The following FBN1 variants were observed in gnomAD, a reference collection of about 807,000 sequenced individuals.
FBN1 encodes fibrillin-1.
A neutral mutation model predicts 365.1 loss-of-function variants in FBN1; 29 were observed. The ratio of observed to expected loss-of-function variants is 0.08; its 90% CI spans 0.06 to 0.11. FBN1 has a LOEUF of 0.11. Ranked by LOEUF, FBN1 falls within the 10% of genes least tolerant of loss-of-function variation. The pLI, the probability that FBN1 is intolerant of heterozygous loss-of-function variation, is 1.00. For synonymous variants in FBN1, 1,210 were observed against 1,270.5 expected (o/e 0.95, Z 1.01); for missense variants, 2,476 against 3,703.2 (o/e 0.67, Z 8.60).
chr15:48,538,056 A>G (rs375347075), intron 6 of FBN1, among the ~76,000 whole-genome samples: 21 of 152,364 alleles, frequency 1.4e-4, no homozygotes, highest in African/African-American at 5.1e-4. Context: ...TGTGAGGATC[A>G]GGCGAGCTAA....
At chr15:48,523,993 G>A (rs532907771) in intron 9 of FBN1, among the ~76,000 whole-genome samples, 21 of 152,230 alleles carry the variant, frequency 1.4e-4, no homozygotes, top group South Asian at 1.2e-3. Context: ...TTAAATAGGC[G>A]TTTGCAGGTC....
chr15:48,438,062 T>A, intron 50 of FBN1, 145 bp from the exon 51 acceptor site: 1 of 855,598 alleles, frequency 1.2e-6, no homozygotes, highest in Non-Finnish European at 2.0e-6. Context: ...TAATGGTAAC[T>A]GAGCTGAGAT....
At chr15:48,472,411 A>C in intron 35 of FBN1, 140 bp downstream of exon 35, 2 of 1,220,332 alleles carry the variant, frequency 1.6e-6, no homozygotes. Context: ...ATCCCTCTAC[A>C]AACTGAACTG....
intron 4 of FBN1, among the ~76,000 whole-genome samples, chr15:48,604,349 C>A (rs1220422736): frequency 6.6e-6 from 1 of 152,160 alleles, no homozygotes; most frequent in Admixed American, 6.5e-5. Context: ...CACAGACAGA[C>A]AAATTAAACA....
At position 48,409,720 on chromosome 15, in the gene FBN1, G is replaced by C. The variant is rs1412365777; in HGVS notation, c.*1270C>G. 3 of 152,080 alleles carry C rather than the reference G, an allele frequency of 2.0e-5. No individual in the cohort carries two copies. The highest frequency in any genetic ancestry group is 7.2e-5 in the African/African-American group (3 of 41,394). The allele number at this position is 152,080 out of a possible 1,614,324, so 9.4% of individuals were successfully genotyped here. A position where few individuals can be genotyped will look rare whatever the true frequency, so the allele number is the denominator to read the frequency against. ...TGCCAAAACTGTGTATATTTGAGAG[G>C]GGGGCATGATAAATCTATTATAATG... On this transcript the variant is annotated 3_prime_UTR_variant, in exon 66 of 66. Transcript: ENST00000316623.
At chr15:48,583,231 C>A (rs1427524019) in intron 6 of FBN1, among the ~76,000 whole-genome samples, 1 of 152,230 alleles carries the variant, frequency 6.6e-6, no homozygotes, top group Non-Finnish European at 1.5e-5. Flanking sequence ...CTCTCTTCGT[C>A]TTAGAACAAT....
chr15:48,495,433 T>C (rs2043598408), intron 21 of FBN1, 36 bp downstream of exon 21: 9 of 1,610,808 alleles, frequency 5.6e-6, no homozygotes, highest in Middle Eastern at 1.7e-4. Flanking sequence ...ACAACATTGA[T>C]AAACATAGAA....
intron 18 of FBN1, 77 bp downstream of exon 18, chr15:48,498,908 C>A: frequency 7.3e-7 from 1 of 1,372,508 alleles, no homozygotes; most frequent in African/African-American, 1.4e-5. Flanking sequence ...GTAAAGGGAT[C>A]AACTGGAAAC....
chr15:48,551,459 A>G (rs1041371828), intron 6 of FBN1, among the ~76,000 whole-genome samples: 1 of 152,024 alleles, frequency 6.6e-6, no homozygotes, highest in African/African-American at 2.4e-5. Context: ...GCAAAGATAA[A>G]GGTGACATGC....
intron 44 of FBN1, among the ~76,000 whole-genome samples, chr15:48,453,245 A>G (rs2043214540): frequency 6.6e-6 from 1 of 151,004 alleles, no homozygotes; most frequent in African/African-American, 2.4e-5. Flanking sequence ...AACAAGTGCA[A>G]AACTCCAAGT....
chr15:48,419,390 G>GTT (rs1412915065), intron 63 of FBN1, among the ~76,000 whole-genome samples: 3 of 152,046 alleles, frequency 2.0e-5, no homozygotes, highest in Admixed American at 6.6e-5. Context: ...TAGCTCCAGT[G>GTT]TTATTAAAAT....
chr15:48,558,056 A>G (rs2044195444), intron 6 of FBN1, among the ~76,000 whole-genome samples: 1 of 152,164 alleles, frequency 6.6e-6, no homozygotes, highest in Non-Finnish European at 1.5e-5. Flanking sequence ...AATAATAATC[A>G]GCACTCCAAG....
intron 6 of FBN1, among the ~76,000 whole-genome samples, chr15:48,591,743 A>G (rs547232595): frequency 1.3e-5 from 2 of 150,752 alleles, no homozygotes; most frequent in African/African-American, 4.9e-5. Context: ...TGAGGTCTTC[A>G]GAGTTACGAG....
chr15:48,515,621 A>C (rs934817674), intron 11 of FBN1, 94 bp from the exon 12 acceptor site: 11 of 1,529,486 alleles, frequency 7.2e-6, no homozygotes, highest in Non-Finnish European at 9.9e-6. Context: ...GTTGAATCAG[A>C]AAGGAAAGAG....
chr15:48,570,320 G>A (rs867791918), intron 6 of FBN1, among the ~76,000 whole-genome samples: 2 of 152,024 alleles, frequency 1.3e-5, no homozygotes, highest in African/African-American at 4.8e-5. Context: ...TTAACATCAC[G>A]TTCTAGCAAA....
At chr15:48,537,535 C>G in intron 7 of FBN1, 76 bp downstream of exon 7, 3 of 1,572,088 alleles carry the variant, frequency 1.9e-6, no homozygotes, top group Non-Finnish European at 2.6e-6. Flanking sequence ...TTTCCATTCT[C>G]TTCAACTTCA....
intron 6 of FBN1, among the ~76,000 whole-genome samples, chr15:48,549,707 A>G (rs1302995939): frequency 6.6e-6 from 1 of 152,188 alleles, no homozygotes; most frequent in Non-Finnish European, 1.5e-5. Context: ...CCCCTGCACT[A>G]TTTAAAAAGA....
intron 6 of FBN1, among the ~76,000 whole-genome samples, chr15:48,584,728 T>C (rs1001911746): frequency 2.6e-5 from 4 of 152,306 alleles, no homozygotes; most frequent in African/African-American, 7.2e-5. Context: ...CTCCAAATTA[T>C]GCCGTCTGAA....
At chr15:48,599,538 C>CAAA (rs558669331) in intron 5 of FBN1, among the ~76,000 whole-genome samples, 1 of 137,592 alleles carries the variant, frequency 7.3e-6, no homozygotes, top group African/African-American at 2.5e-5. Flanking sequence ...CTTAAAGTAA[C>CAAA]AAAAAAAAAA....
Sources: gnomAD v4.1 joint callset for allele counts (sites outside exome capture counted in the v4.1 genomes callset) on GRCh38, gnomAD v4.1.1 for gene constraint, MANE v1.5 for transcripts, NCBI Gene and HGNC (gene_info 2026-07-23, HGNC 2026-07-21) for gene names.